PTPRN2: variants seen among roughly 807,000 people sequenced by gnomAD.
PTPRN2 encodes protein tyrosine phosphatase receptor type N2.
In PTPRN2, 74 loss-of-function variants were observed where a neutral mutation model predicts 118.8. That is an observed-to-expected ratio of 0.62 (90% CI 0.52 to 0.76). PTPRN2 has a LOEUF of 0.76. PTPRN2 is among the 30% of genes least tolerant of loss of function. The probability of loss-of-function intolerance (pLI) is 0.00; values close to 1 mark genes in which losing one functional copy is unlikely to be tolerated. For missense variants in PTPRN2, 1,481 were observed against 1,394.4 expected (o/e 1.06, Z -0.99); for synonymous variants, 641 against 608.0 (o/e 1.05, Z -0.80).
intron 1 of PTPRN2, among the ~76,000 whole-genome samples, chr7:158,580,757 C>T (rs956500285): frequency 3.3e-5 from 5 of 152,182 alleles, no homozygotes; most frequent in Admixed American, 6.5e-5. Context: ...TGTGTCACCA[C>T]GTTTTTAAAA....
At chr7:158,188,693 G>A (rs1314367168) in intron 5 of PTPRN2, among the ~76,000 whole-genome samples, 7 of 144,502 alleles carry the variant, frequency 4.8e-5, no homozygotes, top group Non-Finnish European at 9.1e-5. Context: ...TACTGGAAAG[G>A]CCGCCACGCC....
rs10262786 is a variant in PTPRN2, at chr7:157,619,238, G to A, written c.2344+2124C>T. On this transcript the variant is annotated intron_variant, in intron 15 of 22. Coordinates refer to ENST00000389418, the MANE Select transcript of PTPRN2 (RefSeq NM_002847.5). The surrounding 1 kb of genome is among the most constrained non-coding windows in gnomAD (Gnocchi z 5.3). The stretch of plus-strand genomic sequence containing the variant: ...GCTCCGGGCTGTCTTTGGGGAGGGC[G>A]TGCTGTCAGATGAATATTTACCATG... 0.079 allele frequency among the ~76,000 whole-genome samples: 11,988 copies of A among 152,160 alleles called. 684 individuals carry two copies. The highest frequency in any genetic ancestry group is 0.16 in the African/African-American group (6,514 of 41,466).
At position 157,590,509 on chromosome 7, in the gene PTPRN2, G is replaced by T. The variant is rs1800921614; in HGVS notation, c.2496+4729C>A. On this transcript the variant is annotated intron_variant, in intron 17 of 22. Transcript: ENST00000389418. The surrounding 1 kb of genome is among the most constrained non-coding windows in gnomAD (Gnocchi z 4.0). ...ATTTTGGAAATCAAATTCTTGAAAT[G>T]CATCCAGTGTCCATATAGAGCTGGT... 6.6e-6 allele frequency among the ~76,000 whole-genome samples: 1 copy of T among 152,214 alleles called. No individual in the cohort carries two copies. The highest frequency in any genetic ancestry group is 1.5e-5 in the Non-Finnish European group (1 of 68,032).
chr7:158,541,322 G>C, intron 1 of PTPRN2: 1 of 720,042 alleles, frequency 1.4e-6, no homozygotes, highest in Non-Finnish European at 2.0e-6. Flanking sequence ...GTGGCATTTA[G>C]TGCACTGAGT....
At chr7:157,760,417 C>T (rs1802062558) in intron 12 of PTPRN2, among the ~76,000 whole-genome samples, 1 of 152,074 alleles carries the variant, frequency 6.6e-6, no homozygotes, top group Admixed American at 6.6e-5. Context: ...CCTAAAGGCT[C>T]ATGACGCAAA....
At chr7:157,937,974 T>G (rs986283176) in intron 11 of PTPRN2, among the ~76,000 whole-genome samples, 2 of 152,176 alleles carry the variant, frequency 1.3e-5, no homozygotes, top group Non-Finnish European at 2.9e-5. Context: ...AATGTCAAGC[T>G]GGAAATTAGA....
chr7:158,142,522 C>T (rs1819485824), intron 6 of PTPRN2, among the ~76,000 whole-genome samples: 2 of 152,216 alleles, frequency 1.3e-5, no homozygotes. Context: ...CCGTTTAAAA[C>T]AGAAGAAGGG....
At chr7:157,916,077 A>G (rs1798376686) in intron 11 of PTPRN2, among the ~76,000 whole-genome samples, 1 of 152,262 alleles carries the variant, frequency 6.6e-6, no homozygotes, top group African/African-American at 2.4e-5. Context: ...ACAGATGTGT[A>G]TATAAAATTG....
chr7:158,447,710 C>T (rs115539088), intron 2 of PTPRN2, among the ~76,000 whole-genome samples: 6,796 of 152,332 alleles, frequency 0.045, 526 homozygotes, highest in African/African-American at 0.15. Flanking sequence ...TGGTGGGCTG[C>T]GTCAAGCTGT....
At chr7:158,501,417 C>T (rs145485037) in intron 1 of PTPRN2, among the ~76,000 whole-genome samples, 155 of 152,336 alleles carry the variant, frequency 1.0e-3, no homozygotes, top group Non-Finnish European at 1.7e-3. Flanking sequence ...GCACCCAGGA[C>T]GTGATCAATG....
intron 2 of PTPRN2, among the ~76,000 whole-genome samples, chr7:158,443,605 C>G (rs1817518394): frequency 6.6e-6 from 1 of 151,672 alleles, no homozygotes; most frequent in Non-Finnish European, 1.5e-5. Context: ...CAGCGTGGAG[C>G]AAATCTTCCT....
At chr7:158,083,979 C>G (rs1390105547) in intron 10 of PTPRN2, among the ~76,000 whole-genome samples, 1 of 60,226 alleles carries the variant, frequency 1.7e-5, no homozygotes, top group East Asian at 8.5e-4. Flanking sequence ...CGAGGCCCCA[C>G]TACAGGTCTA....
At position 157,776,246 on chromosome 7, in the gene PTPRN2, T is replaced by TCTCCCTCTCCTC. The variant is rs1554442515; in HGVS notation, c.1789-93321_1789-93310dup. 1.9e-3 allele frequency among the ~76,000 whole-genome samples: 129 copies of TCTCCCTCTCCTC among 66,356 alleles called. 2 individuals carry two copies. The highest frequency in any genetic ancestry group is 7.2e-3 in the African/African-American group (122 of 16,900). 43.5% of individuals were successfully genotyped at this position (66,356 alleles called of 152,430 possible). On this transcript the variant is annotated intron_variant, in intron 12 of 22. Coordinates refer to ENST00000389418, the MANE Select transcript of PTPRN2 (RefSeq NM_002847.5). ...TCCTCCTTCTCATCTTCCTCCCTCC[T>TCTCCCTCTCCTC]CTCCCTCTCCTCCTCCCTCCTCTTC...
intron 1 of PTPRN2, among the ~76,000 whole-genome samples, chr7:158,515,085 T>C (rs890324153): frequency 2.6e-5 from 4 of 152,152 alleles, no homozygotes; most frequent in Non-Finnish European, 4.4e-5. Context: ...CAGAACAAGG[T>C]TGCACTATGG....
At position 157,622,306 on chromosome 7, in the gene PTPRN2, G is replaced by T. The variant is rs777733417; in HGVS notation, c.2197-797C>A. Among the ~76,000 whole-genome samples the T allele has an allele frequency of 1.5e-4, 23 of 152,122 alleles. No individual in the cohort carries two copies. The highest frequency in any genetic ancestry group is 7.8e-4 in the Admixed American group (12 of 15,300). ...TACTGTGTGTCATGTGTAGACACAG[G>T]TTCCAAGTGTGTCCACACGAGAAAA... On this transcript the variant is annotated intron_variant, in intron 14 of 22. Coordinates refer to ENST00000389418, the MANE Select transcript of PTPRN2 (RefSeq NM_002847.5). This position sits in a 1 kb window ranked among gnomAD's most constrained non-coding sequence, Gnocchi z 5.3.
intron 12 of PTPRN2, among the ~76,000 whole-genome samples, chr7:157,714,858 T>A (rs1798822787): frequency 1.3e-5 from 2 of 152,092 alleles, no homozygotes; most frequent in South Asian, 4.2e-4. Context: ...GCGCTTCTCC[T>A]GAGCAGATTC....
rs1269461247 is a variant in PTPRN2, at chr7:158,087,649, A to AC, written c.1644-6273dup. ...GATGAAGGAGGGAGTCTTCACACAA[A>AC]CCTTCCTCCCCTGATGAAGGAGGGA... On this transcript the variant is annotated intron_variant, in intron 10 of 22. Coordinates refer to ENST00000389418, the MANE Select transcript of PTPRN2 (RefSeq NM_002847.5). Among the ~76,000 whole-genome samples, 4 of 151,414 alleles carry AC rather than the reference A, an allele frequency of 2.6e-5. No individual in the cohort carries two copies. The South Asian group carries it at 6.3e-4, about 24-fold the overall frequency.
chr7:158,587,706 G>C lies in PTPRN2; in HGVS notation c.-37C>G, dbSNP rs1829065876. On this transcript the variant is annotated 5_prime_UTR_variant, in exon 1 of 23. Coordinates refer to ENST00000389418, the MANE Select transcript of PTPRN2 (RefSeq NM_002847.5). ...GGCCGGCGGCGCTCAGTCCATGGCC[G>C]CGCGGGAGGCGGCGGGAGGCGGCCG... is the stretch of plus-strand genomic sequence containing the variant. The C allele has an allele frequency of 3.4e-6, 4 of 1,169,012 alleles. No individual in the cohort carries two copies. Among genetic ancestry groups the C allele is most frequent in the Non-Finnish European group, 4.2e-6 (4 of 948,772 alleles). The allele number at this position is 1,169,012 out of a possible 1,614,324, so 72.4% of individuals were successfully genotyped here. A position where few individuals can be genotyped will look rare whatever the true frequency, so the allele number is the denominator to read the frequency against.
chr7:157,900,378 G>A (rs1215331445), intron 11 of PTPRN2, among the ~76,000 whole-genome samples: 1 of 152,218 alleles, frequency 6.6e-6, no homozygotes, highest in African/African-American at 2.4e-5. Flanking sequence ...TTGCCAAGAG[G>A]TTGTCTGGCT....
Sources: allele counts gnomAD v4.1 joint callset (sites outside exome capture counted in the v4.1 genomes callset), GRCh38; gene constraint gnomAD v4.1.1; non-coding constraint Gnocchi (gnomAD v3.1); transcripts MANE v1.5; gene names NCBI Gene and HGNC (gene_info 2026-07-23, HGNC 2026-07-21).